Variants in CSMD3 observed in about 807,000 individuals in gnomAD.
CSMD3 encodes CUB and sushi domain-containing protein 3.
CSMD3 carries 177 observed loss-of-function variants against 435.2 expected under a neutral mutation model. That is an observed-to-expected ratio of 0.41 (90% CI 0.36 to 0.46). The LOEUF (loss-of-function observed/expected upper bound fraction) is 0.46, where lower values mean the gene tolerates loss of function less well. Among genes scored for constraint, CSMD3 ranks in the 20% least tolerant of loss-of-function variants. The probability of loss-of-function intolerance (pLI) is 0.34; values close to 1 mark genes in which losing one functional copy is unlikely to be tolerated. For synonymous variants in CSMD3, 1,656 were observed against 1,520.5 expected, an observed-to-expected ratio of 1.09 and a Z score of -2.07; for missense variants, 4,265 against 4,504.6, an observed-to-expected ratio of 0.95 and a Z score of 1.52.
chr8:112,492,376 G>A (rs372184030), intron 31 of CSMD3, 113 bp downstream of exon 31: 10 of 829,132 alleles, frequency 1.2e-5, no homozygotes, highest in African/African-American at 8.5e-5. Flanking sequence ...TTGCTAGTAC[G>A]ACACTTGTAG....
chr8:112,458,853 G>A (rs538477507), intron 32 of CSMD3, among the ~76,000 whole-genome samples: 2 of 152,222 alleles, frequency 1.3e-5, no homozygotes, highest in South Asian at 4.1e-4. Flanking sequence ...GGCTTTGACA[G>A]CAGTTCTCAA....
At chr8:113,345,431 A>T (rs866428944) in intron 1 of CSMD3, among the ~76,000 whole-genome samples, 1 of 152,154 alleles carries the variant, frequency 6.6e-6, no homozygotes, top group Non-Finnish European at 1.5e-5. Flanking sequence ...ACTTAATATG[A>T]CTGTACATGC....
At chr8:113,168,956 C>G (rs1252087054) in intron 4 of CSMD3, among the ~76,000 whole-genome samples, 1 of 152,046 alleles carries the variant, frequency 6.6e-6, no homozygotes, top group African/African-American at 2.4e-5. Context: ...TAATAAATAT[C>G]CTTTCATTAA....
At chr8:113,088,198 AG>A (rs1403694386) in intron 5 of CSMD3, among the ~76,000 whole-genome samples, 2 of 150,630 alleles carry the variant, frequency 1.3e-5, no homozygotes, top group African/African-American at 4.9e-5. Context: ...ATCATTAAAA[AG>A]TCAGGAAACA....
chr8:112,892,593 G>A (rs1301478923), intron 10 of CSMD3, among the ~76,000 whole-genome samples: 1 of 151,432 alleles, frequency 6.6e-6, no homozygotes, highest in Non-Finnish European at 1.5e-5. Context: ...GTGCTTTATG[G>A]AAACATCAAC....
intron 4 of CSMD3, among the ~76,000 whole-genome samples, chr8:113,165,999 G>A (rs180758533): frequency 1.3e-5 from 2 of 152,120 alleles, no homozygotes; most frequent in Admixed American, 1.3e-4. Context: ...CATACATAAG[G>A]CCAACACATA....
Position 112,503,978 on chromosome 8 carries a change from CT to C in CSMD3, c.4896-2del. 6.5e-7 allele frequency: 1 copy of C among 1,528,782 alleles called. No homozygotes were observed. The highest frequency in any genetic ancestry group is 1.4e-5 in the African/African-American group (1 of 69,790). 94.7% of individuals were successfully genotyped at this position (1,528,782 alleles called of 1,614,324 possible). ...GTCATAGTTTGGTTCTATGCTAAAACTGAAAAAAAAAAGGAAAGAACAAAAG... is the reference window on the plus strand; with the variant it reads ...GTCATAGTTTGGTTCTATGCTAAAACGAAAAAAAAAAGGAAAGAACAAAAG... On this transcript the variant is annotated splice_acceptor_variant, in intron 29 of 70. Transcript: ENST00000297405. LOFTEE classifies it high-confidence loss of function.
At chr8:113,383,237 G>C (rs573521781) in intron 1 of CSMD3, among the ~76,000 whole-genome samples, 2 of 152,254 alleles carry the variant, frequency 1.3e-5, no homozygotes, top group African/African-American at 4.8e-5. Context: ...TAAAAGTGGA[G>C]AGATGGGCAG....
intron 6 of CSMD3, among the ~76,000 whole-genome samples, chr8:112,995,319 G>A (rs377506637): frequency 3.3e-5 from 5 of 151,218 alleles, no homozygotes; most frequent in Admixed American, 6.6e-5. Context: ...AGAAAATGAC[G>A]GCACATTTAG....
At chr8:113,271,485 T>G (rs1366083482) in intron 3 of CSMD3, among the ~76,000 whole-genome samples, 1 of 152,116 alleles carries the variant, frequency 6.6e-6, no homozygotes, top group Non-Finnish European at 1.5e-5. Context: ...GGGCCATGGT[T>G]TCAGAGGGTG....
In CSMD3 at chr8:112,289,494, A is replaced by G; in HGVS notation, c.9019T>C (p.Ser3007Pro). Reference sequence around the variant, plus strand: ...GACCCAAAAGTATACTTCTCGCCAGACAGGACTGCATTAGGAGGAACGCCA... The same window carrying G: ...GACCCAAAAGTATACTTCTCGCCAGGCAGGACTGCATTAGGAGGAACGCCA... Reference protein sequence around the residue: ...HPGVPPNAVLSGEKYTFGSTV... With the variant: ...HPGVPPNAVLPGEKYTFGSTV... The change falls in exon 57 of 71, where the codon TCT (serine) becomes CCT (proline). Residue 3007 changes from serine to proline, a missense_variant. Physicochemically the swap from Ser to Pro is moderately conservative, Grantham distance 74 (BLOSUM62 -1). Around this residue, in one of 3 missense-constraint regions of CSMD3, gnomAD observed 3,255 missense variants for 3,380.2 expected, o/e 0.96. Coordinates refer to ENST00000297405, the MANE Select transcript of CSMD3 (RefSeq NM_198123.2). 6.2e-7 allele frequency: 1 copy of G among 1,613,026 alleles called. No individual in the cohort carries two copies. Among genetic ancestry groups the G allele is most frequent in the South Asian group, 1.1e-5 (1 of 91,062 alleles).
intron 69 of CSMD3, among the ~76,000 whole-genome samples, chr8:112,229,269 A>G (rs1812865404): frequency 6.6e-6 from 1 of 152,170 alleles, no homozygotes; most frequent in Admixed American, 6.5e-5. Flanking sequence ...AAAAATCATC[A>G]TGAGGCTAGA....
chr8:113,027,680 T>A (rs2086925831), intron 5 of CSMD3, among the ~76,000 whole-genome samples: 1 of 152,104 alleles, frequency 6.6e-6, no homozygotes, highest in African/African-American at 2.4e-5. Flanking sequence ...GCAAAGGAGA[T>A]AATTGGCTAT....
At chr8:112,615,331 G>C (rs1300217776) in intron 22 of CSMD3, among the ~76,000 whole-genome samples, 16 of 152,038 alleles carry the variant, frequency 1.1e-4, no homozygotes, top group Admixed American at 9.2e-4. Context: ...ACAAATATGG[G>C]CTCTTGTCCC....
At chr8:113,172,775 T>C (rs1003961752) in intron 4 of CSMD3, among the ~76,000 whole-genome samples, 1 of 152,176 alleles carries the variant, frequency 6.6e-6, no homozygotes, top group African/African-American at 2.4e-5. Context: ...CAGTTGGACA[T>C]TCCCACATCC....
intron 11 of CSMD3, among the ~76,000 whole-genome samples, chr8:112,831,038 C>T (rs1219772680): frequency 1.3e-5 from 2 of 152,140 alleles, no homozygotes; most frequent in Non-Finnish European, 2.9e-5. Flanking sequence ...CCGCCCACCT[C>T]GGCCTCCCAA....
At chr8:112,660,764 T>C (rs2075361040) in intron 17 of CSMD3, among the ~76,000 whole-genome samples, 1 of 152,246 alleles carries the variant, frequency 6.6e-6, no homozygotes, top group African/African-American at 2.4e-5. Flanking sequence ...CTGTTTATTC[T>C]AAAATACTGA....
In CSMD3 at chr8:112,645,167, C is replaced by T. The variant is rs762984316; in HGVS notation, c.3252G>A (p.Pro1084=). The change falls in exon 20 of 71, where the codon CCG becomes CCA. Residue 1084 remains proline, a synonymous_variant. Transcript: ENST00000297405. Reference sequence around the variant, plus strand: ...AATTCAGAGAATTTGGATAAAATTCCGGGTAACCAGGTGATAAGATTGTTC... The same window carrying T: ...AATTCAGAGAATTTGGATAAAATTCTGGGTAACCAGGTGATAAGATTGTTC... ...PSGTILSPGY[P]EFYPNSLNCT... 31 of 1,609,734 alleles carry T rather than the reference C, an allele frequency of 1.9e-5. No individual in the cohort carries two copies. Among genetic ancestry groups the T allele is most frequent in the Non-Finnish European group, 2.5e-5 (29 of 1,176,292 alleles).
rs148395009 is a variant in CSMD3, at chr8:112,544,334, G to A, written c.4564+6337C>T. Among the ~76,000 whole-genome samples the A allele has an allele frequency of 4.0e-3, 602 of 152,118 alleles. 1 individual carries two copies. The highest frequency in any genetic ancestry group is 0.014 in the African/African-American group (572 of 41,520). ...TATATCAGGTACTTTAAAATGATGA[G>A]GATGTATTTAATGCATTATTATGGC... On this transcript the variant is annotated intron_variant, in intron 27 of 70. Coordinates refer to ENST00000297405, the MANE Select transcript of CSMD3 (RefSeq NM_198123.2).
Sources: gnomAD v4.1 joint callset for allele counts (sites outside exome capture counted in the v4.1 genomes callset) on GRCh38, gnomAD v4.1.1 for gene constraint, gnomAD v4.1.1 regional missense constraint, MANE v1.5 for transcripts, NCBI Gene and HGNC (gene_info 2026-07-23, HGNC 2026-07-21) for gene names.